The following CDH8 variants were observed in gnomAD, a reference collection of about 807,000 sequenced individuals.
The protein encoded by CDH8 is cadherin-8.
CDH8 carries 17 observed loss-of-function variants against 68.1 expected under a neutral mutation model. That is an observed-to-expected ratio of 0.25 (90% CI 0.17 to 0.37). CDH8 has a LOEUF of 0.37. Among genes scored for constraint, CDH8 ranks in the 10% least tolerant of loss-of-function variants. The probability of loss-of-function intolerance (pLI) is 1.00; values close to 1 mark genes in which losing one functional copy is unlikely to be tolerated. For synonymous variants in CDH8, 372 were observed against 365.1 expected, an observed-to-expected ratio of 1.02 and a Z score of -0.21; for missense variants, 763 against 999.3, an observed-to-expected ratio of 0.76 and a Z score of 3.19.
chr16:61,813,596 C>T (rs907839923), intron 7 of CDH8, among the ~76,000 whole-genome samples: 4 of 152,156 alleles, frequency 2.6e-5, no homozygotes, highest in African/African-American at 9.7e-5. Flanking sequence ...GAAGCCTGGT[C>T]TCCAGTTCCG....
intron 9 of CDH8, among the ~76,000 whole-genome samples, chr16:61,717,978 TACAC>T (rs1373930578): frequency 6.6e-6 from 1 of 151,416 alleles, no homozygotes; most frequent in Non-Finnish European, 1.5e-5. Flanking sequence ...TATGTATATA[TACAC>T]ACATACATGT....
intron 4 of CDH8, among the ~76,000 whole-genome samples, chr16:61,847,907 A>AC (rs1231043115): frequency 6.6e-5 from 10 of 151,606 alleles, no homozygotes; most frequent in Non-Finnish European, 7.4e-5. Flanking sequence ...ACACACAGAC[A>AC]AACACACACA....
At chr16:61,843,249 A>G (rs1962726555) in intron 4 of CDH8, among the ~76,000 whole-genome samples, 1 of 152,194 alleles carries the variant, frequency 6.6e-6, no homozygotes, top group African/African-American at 2.4e-5. Context: ...TTCAGTTACA[A>G]TGGGACTCAG....
At chr16:61,671,600 G>T (rs1963796957) in intron 10 of CDH8, among the ~76,000 whole-genome samples, 1 of 151,996 alleles carries the variant, frequency 6.6e-6, no homozygotes, top group African/African-American at 2.4e-5. Context: ...TCTTTGGGCA[G>T]AAGTCTTAAT....
chr16:61,815,538 G>T (rs1962052929), intron 7 of CDH8, among the ~76,000 whole-genome samples: 1 of 152,126 alleles, frequency 6.6e-6, no homozygotes, highest in South Asian at 2.1e-4. Context: ...TCGTGTCTCT[G>T]CACAGCCAGT....
intron 8 of CDH8, among the ~76,000 whole-genome samples, chr16:61,763,595 A>G (rs1384615659): frequency 6.6e-6 from 1 of 152,142 alleles, no homozygotes; most frequent in East Asian, 1.9e-4. Context: ...CCAAACTTCA[A>G]TTCTGTAGAA....
At chr16:62,001,117 A>C (rs1965886843) in intron 2 of CDH8, among the ~76,000 whole-genome samples, 1 of 152,148 alleles carries the variant, frequency 6.6e-6, no homozygotes, top group Non-Finnish European at 1.5e-5. Flanking sequence ...TAGGGGAATG[A>C]CTGGTCTAGT....
rs1289682242 is a variant in CDH8 at position 61,653,226 on chromosome 16, C to T, written c.*382G>A. ...AATCCTTGCAGAAGACACATATCAG[C>T]AGCAGATTCCTTGCAGGTCCGTATT... On this transcript the variant is annotated 3_prime_UTR_variant, in exon 12 of 12. Transcript: ENST00000577390. 2 of 1,193,316 alleles carry T rather than the reference C, an allele frequency of 1.7e-6. No homozygotes were observed. Among genetic ancestry groups the T allele is most frequent in the Non-Finnish European group, 2.1e-6 (2 of 965,550 alleles). The allele number at this position is 1,193,316 out of a possible 1,614,324, so 73.9% of individuals were successfully genotyped here.
intron 3 of CDH8, among the ~76,000 whole-genome samples, chr16:61,872,246 A>C (rs528793714): frequency 2.6e-5 from 4 of 152,206 alleles, no homozygotes; most frequent in Admixed American, 6.5e-5. Context: ...CAATCAATTT[A>C]GAAAGTTTAT....
chr16:61,982,342 C>T (rs2150583422), intron 2 of CDH8, among the ~76,000 whole-genome samples: 1 of 152,212 alleles, frequency 6.6e-6, no homozygotes, highest in East Asian at 1.9e-4. Flanking sequence ...GCCTCAGTCT[C>T]GCGAGTAGCT....
chr16:61,819,017 T>C (rs1283090318), intron 6 of CDH8, among the ~76,000 whole-genome samples: 2 of 148,778 alleles, frequency 1.3e-5, no homozygotes, highest in South Asian at 2.2e-4. Flanking sequence ...ACTAAGCACA[T>C]GCATCCATGA....
chr16:61,668,901 C>A (rs1286089104), intron 10 of CDH8, among the ~76,000 whole-genome samples: 1 of 151,974 alleles, frequency 6.6e-6, no homozygotes, highest in African/African-American at 2.4e-5. Flanking sequence ...TGCTCATTAA[C>A]ACATTTGATA....
intron 10 of CDH8, among the ~76,000 whole-genome samples, chr16:61,697,084 A>G (rs931594055): frequency 3.9e-5 from 6 of 152,162 alleles, no homozygotes; most frequent in African/African-American, 9.7e-5. Context: ...AATCCTCTGA[A>G]CCTAAAATAA....
intron 2 of CDH8, among the ~76,000 whole-genome samples, chr16:61,923,092 G>A (rs1030241651): frequency 4.6e-5 from 7 of 151,990 alleles, no homozygotes; most frequent in African/African-American, 9.7e-5. Flanking sequence ...CTTATTGACC[G>A]GTAACAAAAT....
chr16:61,667,406 T>A (rs1048770373), intron 10 of CDH8: 6 of 151,982 alleles, frequency 3.9e-5, no homozygotes, highest in Admixed American at 1.3e-4. Flanking sequence ...ACAAAATGAA[T>A]TAGAACATTT....
chr16:61,679,681 AATTCC>A (rs1175196332), intron 10 of CDH8, among the ~76,000 whole-genome samples: 1 of 152,012 alleles, frequency 6.6e-6, no homozygotes, highest in African/African-American at 2.4e-5. Flanking sequence ...TTGGCATCCA[AATTCC>A]TTTGAAACTG....
intron 2 of CDH8, among the ~76,000 whole-genome samples, chr16:61,943,515 C>A (rs904805751): frequency 1.3e-5 from 2 of 152,158 alleles, no homozygotes; most frequent in African/African-American, 2.4e-5. Context: ...TAGTATGGAG[C>A]TTTTGATAGA....
chr16:61,978,040 T>C (rs1017250500), intron 2 of CDH8, among the ~76,000 whole-genome samples: 2 of 152,276 alleles, frequency 1.3e-5, no homozygotes, highest in East Asian at 1.9e-4. Flanking sequence ...TTCATCTACA[T>C]TCATGCTCAG....
At chr16:61,886,905 G>A (rs1415682081) in intron 3 of CDH8, among the ~76,000 whole-genome samples, 1 of 152,164 alleles carries the variant, frequency 6.6e-6, no homozygotes, top group Non-Finnish European at 1.5e-5. Context: ...CTAACTGCTG[G>A]TATTTCACAC....
Sources: gnomAD v4.1 joint callset for allele counts (sites outside exome capture counted in the v4.1 genomes callset) on GRCh38, gnomAD v4.1.1 for gene constraint, MANE v1.5 for transcripts, NCBI Gene and HGNC (gene_info 2026-07-23, HGNC 2026-07-21) for gene names.